Variants in INPP4B observed in about 807,000 individuals in gnomAD.
The protein encoded by INPP4B is inositol polyphosphate 4-phosphatase type II.
Under a neutral mutation model 122.5 loss-of-function variants are expected in INPP4B, and 55 were observed. The ratio of observed to expected loss-of-function variants is 0.45; its 90% CI spans 0.36 to 0.56. The LOEUF is 0.56. INPP4B is among the 20% of genes least tolerant of loss of function. The probability of loss-of-function intolerance (pLI) is 0.00; values close to 1 mark genes in which losing one functional copy is unlikely to be tolerated. For missense variants in INPP4B, 1,000 were observed against 1,097.7 expected, an observed-to-expected ratio of 0.91 and a Z score of 1.26; for synonymous variants, 403 against 388.7, an observed-to-expected ratio of 1.04 and a Z score of -0.43.
intron 15 of INPP4B, among the ~76,000 whole-genome samples, chr4:142,177,208 T>C (rs1001658178): frequency 6.6e-6 from 1 of 152,024 alleles, no homozygotes; most frequent in Non-Finnish European, 1.5e-5. Flanking sequence ...TCATTTTCCA[T>C]AATAAAAGCC....
intron 2 of INPP4B, among the ~76,000 whole-genome samples, chr4:142,650,198 C>T (rs1420662752): frequency 6.6e-6 from 1 of 152,176 alleles, no homozygotes; most frequent in Non-Finnish European, 1.5e-5. Context: ...GCCTGCCTTG[C>T]AAGAGCTCCT....
intron 2 of INPP4B, among the ~76,000 whole-genome samples, chr4:142,664,378 A>T (rs906085168): frequency 6.6e-6 from 1 of 152,084 alleles, no homozygotes; most frequent in Non-Finnish European, 1.5e-5. Context: ...CCAAGGTCTC[A>T]CCCAAGTCTG....
chr4:142,542,189 T>C (rs1239043061), intron 2 of INPP4B, among the ~76,000 whole-genome samples: 1 of 152,212 alleles, frequency 6.6e-6, no homozygotes, highest in Non-Finnish European at 1.5e-5. Flanking sequence ...GGATGCTCTA[T>C]CTCCTTACAT....
In INPP4B at chr4:142,082,108, A is replaced by C. The variant is rs770776121; in HGVS notation, c.2565T>G (p.Leu855=). The change falls in exon 25 of 26, where the codon CTT becomes CTG. Residue 855 remains leucine, a synonymous_variant. Coordinates refer to ENST00000262992, the MANE Select transcript of INPP4B (RefSeq NM_001101669.3). ...AKDRTSMSVT[L]EQCSILRDEH... ...CATCTCTCAAGATTGAGCATTGTTCAAGTGTCACTGACATCGATGTCCTGT... is the reference window on the plus strand; with the variant it reads ...CATCTCTCAAGATTGAGCATTGTTCCAGTGTCACTGACATCGATGTCCTGT... 6.6e-7 allele frequency: 1 copy of C among 1,526,246 alleles called. No individual in the cohort carries two copies. Among genetic ancestry groups the C allele is most frequent in the Non-Finnish European group, 8.9e-7 (1 of 1,117,498 alleles). The allele number at this position is 1,526,246 out of a possible 1,614,324, so 94.5% of individuals were successfully genotyped here.
At chr4:142,150,955 A>G (rs1478031317) in intron 17 of INPP4B, among the ~76,000 whole-genome samples, 1 of 152,202 alleles carries the variant, frequency 6.6e-6, no homozygotes, top group Non-Finnish European at 1.5e-5. Context: ...TAGATGTACA[A>G]AATAGCCTGA....
Position 142,293,105 on chromosome 4 carries a change from T to C in INPP4B, c.503+12353A>G, listed in dbSNP as rs1404042164. 2.0e-5 allele frequency among the ~76,000 whole-genome samples: 3 copies of C among 151,740 alleles called. No homozygotes were observed. In the East Asian group the frequency reaches 5.8e-4, roughly 29 times the overall value. ...CCAGACTGGAGTGCAATGGCGTGAT[T>C]TTGGCTGACTGCAACCTCCACTTCC... On this transcript the variant is annotated intron_variant, in intron 9 of 25. Coordinates refer to ENST00000262992, the MANE Select transcript of INPP4B (RefSeq NM_001101669.3).
At chr4:142,069,028 C>G (rs997407760) in intron 25 of INPP4B, among the ~76,000 whole-genome samples, 1 of 152,198 alleles carries the variant, frequency 6.6e-6, no homozygotes, top group African/African-American at 2.4e-5. Context: ...ACAGAATATA[C>G]ATTCTTCTCA....
chr4:142,443,794 A>G (rs1812334728), intron 3 of INPP4B, among the ~76,000 whole-genome samples: 1 of 152,090 alleles, frequency 6.6e-6, no homozygotes, highest in African/African-American at 2.4e-5. Context: ...TCTAAGCACA[A>G]TTTAATATTA....
In INPP4B at chr4:142,566,419, T is replaced by C. The variant is rs144528848; in HGVS notation, c.-190-103693A>G. Among the ~76,000 whole-genome samples, 100 of 152,254 alleles carry C rather than the reference T, an allele frequency of 6.6e-4. 1 individual carries two copies. The highest frequency in any genetic ancestry group is 2.2e-3 in the African/African-American group (92 of 41,544). On this transcript the variant is annotated intron_variant, in intron 2 of 25. Transcript: ENST00000262992. ...AAAAGGAGGGGAAAAAAGAGTCTTA[T>C]TTACTAAACAGGGCACCTGGGTGTC...
chr4:142,778,970 C>T (rs10033400), intron 1 of INPP4B, among the ~76,000 whole-genome samples: 1,583 of 152,136 alleles, frequency 0.01, 32 homozygotes, highest in African/African-American at 0.036. Flanking sequence ...ATACTTGTCC[C>T]TCCCCATGAA....
chr4:142,049,518 G>T (rs899262805), intron 25 of INPP4B, among the ~76,000 whole-genome samples: 2 of 151,960 alleles, frequency 1.3e-5, no homozygotes, highest in Admixed American at 1.3e-4. Flanking sequence ...AAATAAGGTT[G>T]TTTTTTACAT....
At chr4:142,642,670 G>A (rs896645528) in intron 2 of INPP4B, among the ~76,000 whole-genome samples, 5 of 152,140 alleles carry the variant, frequency 3.3e-5, no homozygotes, top group African/African-American at 4.8e-5. Context: ...GGTTACTGTA[G>A]CCTTGTAGTA....
At chr4:142,327,062 A>G (rs892911045) in intron 7 of INPP4B, among the ~76,000 whole-genome samples, 2 of 152,190 alleles carry the variant, frequency 1.3e-5, no homozygotes, top group Non-Finnish European at 2.9e-5. Context: ...TAAAAAGCAA[A>G]TATCTATTAG....
At chr4:142,629,797 C>T (rs1249615468) in intron 2 of INPP4B, among the ~76,000 whole-genome samples, 1 of 152,028 alleles carries the variant, frequency 6.6e-6, no homozygotes. Flanking sequence ...GTTATTCTTG[C>T]CCTCTGCCCA....
intron 7 of INPP4B, among the ~76,000 whole-genome samples, chr4:142,328,826 A>G (rs1773393283): frequency 6.6e-6 from 1 of 152,240 alleles, no homozygotes; most frequent in South Asian, 2.1e-4. Context: ...AATTTTTAAG[A>G]ATGTAAAAGG....
At chr4:142,542,390 C>G (rs1276035709) in intron 2 of INPP4B, among the ~76,000 whole-genome samples, 1 of 152,010 alleles carries the variant, frequency 6.6e-6, no homozygotes, top group East Asian at 1.9e-4. Context: ...ACATTCTTCC[C>G]TGTTATAGGA....
intron 3 of INPP4B, among the ~76,000 whole-genome samples, chr4:142,440,432 T>C (rs1811441500): frequency 6.6e-6 from 1 of 152,182 alleles, no homozygotes. Context: ...GAATGAAAGA[T>C]GTGGGAAAAT....
chr4:142,261,912 G>T (rs1316345893), intron 10 of INPP4B, among the ~76,000 whole-genome samples: 1 of 152,114 alleles, frequency 6.6e-6, no homozygotes, highest in Non-Finnish European at 1.5e-5. Flanking sequence ...TGAGGTCCTA[G>T]TTGACTGAAA....
intron 18 of INPP4B, among the ~76,000 whole-genome samples, chr4:142,135,377 A>T (rs1432622918): frequency 2.0e-5 from 3 of 152,190 alleles, no homozygotes; most frequent in East Asian, 3.9e-4. Flanking sequence ...TACAAATTTT[A>T]TGTGGAATTT....
Sources: gnomAD v4.1 joint callset for allele counts (sites outside exome capture counted in the v4.1 genomes callset) on GRCh38, gnomAD v4.1.1 for gene constraint, MANE v1.5 for transcripts, NCBI Gene and HGNC (gene_info 2026-07-23, HGNC 2026-07-21) for gene names.